RRM2B: variants seen among roughly 807,000 people sequenced by gnomAD.
The protein encoded by RRM2B is ribonucleotide reductase regulatory TP53 inducible subunit M2B, also known as ribonucleoside-diphosphate reductase subunit M2 B.
A neutral mutation model predicts 45.9 loss-of-function variants in RRM2B; 20 were observed. The ratio of observed to expected loss-of-function variants is 0.44; its 90% confidence interval spans 0.31 to 0.63. RRM2B has a LOEUF of 0.63. Ranked by LOEUF, RRM2B falls within the 30% of genes least tolerant of loss-of-function variation. RRM2B has a pLI of 0.09. For synonymous variants in RRM2B, 124 were observed against 132.3 expected (o/e 0.94, Z 0.43); for missense variants, 320 against 414.7 (o/e 0.77, Z 1.98).
intron 5 of RRM2B, 143 bp from the exon 6 acceptor site, chr8:102,219,090 A>C: frequency 1.2e-6 from 1 of 844,636 alleles, no homozygotes; most frequent in Non-Finnish European, 1.9e-6. Flanking sequence ...AAAGATCTCC[A>C]TAGGAGAAAA....
Position 102,238,876 on chromosome 8 carries a change from G to A in RRM2B, c.-2C>T, listed in dbSNP as rs762851256. 3.3e-5 allele frequency: 53 copies of A among 1,611,612 alleles called. No homozygotes were observed. The highest frequency in any genetic ancestry group is 4.2e-5 in the Non-Finnish European group (49 of 1,179,862). ...TTCCGGCCTTTCCGGGTCGCCCATC[G>A]CGCAGACTCCGCCGAAGCTACGGGC... On this transcript the variant is annotated 5_prime_UTR_variant, in exon 1 of 9. Coordinates refer to ENST00000251810, the MANE Select transcript of RRM2B (RefSeq NM_015713.5).
chr8:102,215,711 C>T (rs1312008646), intron 6 of RRM2B, among the ~76,000 whole-genome samples: 1 of 151,750 alleles, frequency 6.6e-6, no homozygotes, highest in South Asian at 2.1e-4. Context: ...TTTGGGAGGC[C>T]AAGTTGGGAA....
intron 5 of RRM2B, among the ~76,000 whole-genome samples, chr8:102,222,291 G>T (rs2132552730): frequency 6.6e-6 from 1 of 152,180 alleles, no homozygotes; most frequent in East Asian, 1.9e-4. Flanking sequence ...TGCCCAGACT[G>T]GTCTTCAACT....
Position 102,213,014 on chromosome 8 carries a change from A to G in RRM2B, c.790-125T>C. 2 of 673,382 alleles carry G rather than the reference A, an allele frequency of 3.0e-6. 1 individual carries two copies. Among genetic ancestry groups the G allele is most frequent in the Admixed American group, 4.7e-5 (2 of 42,796 alleles). 41.7% of individuals were successfully genotyped at this position (673,382 alleles called of 1,614,324 possible). A position where few individuals can be genotyped will look rare whatever the true frequency, so the allele number is the denominator to read the frequency against. On this transcript the variant is annotated intron_variant, in intron 7 of 8. Transcript: ENST00000251810. The stretch of plus-strand genomic sequence containing the variant: ...TGTCCAAGGAAAGTATATTAGGATA[A>G]ATTCTTTCAATGTGGCAAATGATGT...
chr8:102,221,400 T>A (rs907935235), intron 5 of RRM2B, among the ~76,000 whole-genome samples: 1 of 152,200 alleles, frequency 6.6e-6, no homozygotes, highest in African/African-American at 2.4e-5. Flanking sequence ...CCTTTTCAAC[T>A]TAGAGCTACT....
intron 8 of RRM2B, among the ~76,000 whole-genome samples, chr8:102,211,291 T>A (rs796936953): frequency 3.3e-5 from 5 of 152,350 alleles, no homozygotes; most frequent in African/African-American, 1.2e-4. Flanking sequence ...CCACCGCACC[T>A]GGCCTAACGG....
chr8:102,227,470 T>C (rs1810952877), intron 2 of RRM2B, among the ~76,000 whole-genome samples: 1 of 151,678 alleles, frequency 6.6e-6, no homozygotes, highest in Non-Finnish European at 1.5e-5. Flanking sequence ...CTGGCTAATT[T>C]TTTGTATTTT....
chr8:102,216,910 A>G (rs1187241317), intron 6 of RRM2B, among the ~76,000 whole-genome samples: 3 of 152,108 alleles, frequency 2.0e-5, no homozygotes, highest in East Asian at 3.9e-4. Context: ...GGGGCTGAAA[A>G]TTGTTATAAA....
Position 102,225,960 on chromosome 8 carries a change from T to C in RRM2B, c.279A>G (p.Leu93=). 6.2e-7 allele frequency: 1 copy of C among 1,612,994 alleles called. No homozygotes were observed. The highest frequency in any genetic ancestry group is 1.7e-5 in the Admixed American group (1 of 60,014). The change falls in exon 3 of 9, where the codon TTA becomes TTG. Residue 93 remains leucine (L), a synonymous_variant. Coordinates refer to ENST00000251810, the MANE Select transcript of RRM2B (RefSeq NM_015713.5). ...TTCCATCACTGGCTGCAAAAAAGGC[T>C]AAGATGTGAGAGATGAAGTACTTCT... is the stretch of plus-strand genomic sequence containing the variant. ...ADEKYFISHI[L]AFFAASDGIV...
rs988034737 is a variant in RRM2B at position 102,205,787 on chromosome 8, T to C, written c.*2346A>G. The stretch of plus-strand genomic sequence containing the variant: ...TCTTTAAGAACTAAGAACCAAAGTA[T>C]TGAACATAATAAATAAATGTGCAAC... On this transcript the variant is annotated 3_prime_UTR_variant, in exon 9 of 9. Coordinates refer to ENST00000251810, the MANE Select transcript of RRM2B (RefSeq NM_015713.5). 3.9e-5 allele frequency: 6 copies of C among 152,118 alleles called. No individual in the cohort carries two copies. The highest frequency in any genetic ancestry group is 1.2e-4 in the African/African-American group (5 of 41,450). 9.4% of individuals were successfully genotyped at this position (152,118 alleles called of 1,614,324 possible). A position where few individuals can be genotyped will look rare whatever the true frequency, so the allele number is the denominator to read the frequency against.
intron 8 of RRM2B, among the ~76,000 whole-genome samples, chr8:102,211,841 T>C (rs1389418619): frequency 6.6e-6 from 1 of 152,202 alleles, no homozygotes; most frequent in African/African-American, 2.4e-5. Context: ...TACGCCCCAC[T>C]TGACTTTTTC....
Position 102,207,881 on chromosome 8 carries a change from C to T in RRM2B, c.*252G>A, listed in dbSNP as rs968917520. On this transcript the variant is annotated 3_prime_UTR_variant, in exon 9 of 9. Coordinates refer to ENST00000251810, the MANE Select transcript of RRM2B (RefSeq NM_015713.5). ...GGCAGAACCTTAGACTCATGTCTGA[C>T]CCCTCGCCCCATGCTCTTAACCACA... 2.4e-6 allele frequency: 1 copy of T among 413,044 alleles called. No individual in the cohort carries two copies. Among genetic ancestry groups the T allele is most frequent in the African/African-American group, 2.0e-5 (1 of 49,268 alleles). The allele number at this position is 413,044 out of a possible 1,614,324, so 25.6% of individuals were successfully genotyped here.
intron 5 of RRM2B, among the ~76,000 whole-genome samples, chr8:102,222,244 T>C (rs527605062): frequency 6.6e-6 from 1 of 152,106 alleles, no homozygotes; most frequent in African/African-American, 2.4e-5. Flanking sequence ...CCTGGCTAGT[T>C]TTTAAATTTG....
rs189522316 is a variant in RRM2B, at chr8:102,210,259, T to A, written c.904-1974A>T. Among the ~76,000 whole-genome samples the A allele has an allele frequency of 2.9e-3, 448 of 152,312 alleles. 1 individual carries two copies. The highest frequency in any genetic ancestry group is 4.4e-3 in the Non-Finnish European group (297 of 68,018). On this transcript the variant is annotated intron_variant, in intron 8 of 8. Coordinates refer to ENST00000251810, the MANE Select transcript of RRM2B (RefSeq NM_015713.5). ...GGCTGAGTGAAATTCTATGAAATTC[T>A]CCATCAGAAATTGTGTGTAAAAAGT...
intron 1 of RRM2B, chr8:102,238,611 C>A: frequency 6.5e-7 from 1 of 1,530,126 alleles, no homozygotes; most frequent in Non-Finnish European, 8.7e-7. Flanking sequence ...GGCAGAGCAG[C>A]GAGCGGGACG....
At position 102,232,411 on chromosome 8, in the gene RRM2B, C is replaced by T. The variant is rs925232178; in HGVS notation, c.49-107G>A. ...AGGGAGACGGCATTGGTTTGAGAGC[C>T]TGTCTGCCTGGGTTGAATCCTTACT... is the stretch of plus-strand genomic sequence containing the variant. On this transcript the variant is annotated intron_variant, in intron 1 of 8. Transcript: ENST00000251810. 12 of 1,119,772 alleles carry T rather than the reference C, an allele frequency of 1.1e-5. No individual in the cohort carries two copies. The East Asian group carries it at 2.8e-4, about 27-fold the overall frequency. 69.4% of individuals were successfully genotyped at this position (1,119,772 alleles called of 1,614,324 possible). A position where few individuals can be genotyped will look rare whatever the true frequency, so the allele number is the denominator to read the frequency against.
At chr8:102,218,066 C>T (rs1810762514) in intron 6 of RRM2B, among the ~76,000 whole-genome samples, 1 of 152,162 alleles carries the variant, frequency 6.6e-6, no homozygotes, top group Non-Finnish European at 1.5e-5. Context: ...TCTGAAATAA[C>T]AGGTTTGAGA....
intron 8 of RRM2B, among the ~76,000 whole-genome samples, chr8:102,209,197 A>C (rs573759935): frequency 6.6e-6 from 1 of 152,192 alleles, no homozygotes; most frequent in South Asian, 2.1e-4. Context: ...AGCTTGATGG[A>C]AACTGTGGGA....
At chr8:102,209,094 G>A (rs1403148505) in intron 8 of RRM2B, among the ~76,000 whole-genome samples, 1 of 152,086 alleles carries the variant, frequency 6.6e-6, no homozygotes, top group African/African-American at 2.4e-5. Context: ...AGGTTGCAGT[G>A]AGCCAAGATC....
Sources: gnomAD v4.1 joint callset for allele counts (sites outside exome capture counted in the v4.1 genomes callset) on GRCh38, gnomAD v4.1.1 for gene constraint, MANE v1.5 for transcripts, NCBI Gene and HGNC (gene_info 2026-07-23, HGNC 2026-07-21) for gene names.